IL1R1: variants seen among roughly 807,000 people sequenced by gnomAD.
IL1R1 encodes interleukin-1 receptor type 1.
Under a neutral mutation model 50.2 loss-of-function variants are expected in IL1R1, and 22 were observed. That is an observed-to-expected ratio of 0.44 (90% confidence interval 0.31 to 0.63). The LOEUF (loss-of-function observed/expected upper bound fraction) is 0.63, where lower values mean the gene tolerates loss of function less well. IL1R1 is among the 20% of genes least tolerant of loss of function. The pLI, the probability that IL1R1 is intolerant of heterozygous loss-of-function variation, is 0.07. For missense variants in IL1R1, 509 were observed against 676.2 expected, an observed-to-expected ratio of 0.75 and a Z score of 2.74; for synonymous variants, 251 against 236.7, an observed-to-expected ratio of 1.06 and a Z score of -0.55.
At chr2:102,077,562 T>A (rs1679024640) in intron 1 of IL1R1, among the ~76,000 whole-genome samples, 1 of 152,256 alleles carries the variant, frequency 6.6e-6, no homozygotes, top group African/African-American at 2.4e-5. Flanking sequence ...TCATAATAAA[T>A]GTTTTCATGT....
chr2:102,171,718 A>AAAAT, intron 7 of IL1R1, 83 bp from the exon 8 acceptor site: 1 of 717,738 alleles, frequency 1.4e-6, no homozygotes, highest in East Asian at 3.2e-5. Context: ...TATATCTAAA[A>AAAAT]TTTTAATTCA....
At chr2:102,155,619 G>C (rs1684111214) in intron 2 of IL1R1, among the ~76,000 whole-genome samples, 1 of 152,126 alleles carries the variant, frequency 6.6e-6, no homozygotes. Context: ...CCAGGGTCCT[G>C]GGGATTGACA....
Position 102,174,614 on chromosome 2 carries a change from G to A in IL1R1, c.1019G>A (p.Gly340Asp), listed in dbSNP as rs148175475. 2.6e-5 allele frequency: 42 copies of A among 1,605,146 alleles called. No homozygotes were observed. The highest frequency in any genetic ancestry group is 4.0e-5 in the African/African-American group (3 of 74,452). ...PVTNFQKHMI[G>D]ICVTLTVIIV... ...ACTAATTTCCAGAAGCACATGATTG[G>A]TATATGTGTCACGTTGACAGTCATA... Residue 340 changes from glycine (G) to aspartate (D), a missense_variant, in exon 10 of 12, where the codon GGT becomes GAT. Gly to Asp is a moderately conservative substitution (Grantham distance 94). Coordinates refer to ENST00000410023, the MANE Select transcript of IL1R1 (RefSeq NM_000877.4).
Position 102,172,765 on chromosome 2 carries a change from T to C in IL1R1, c.918T>C (p.Tyr306=). ...TATCGGAAATTGAAAGTAGATTTTATAAACATCCATTTACCTGTTTTGCCA... is the reference window on the plus strand; with the variant it reads ...TATCGGAAATTGAAAGTAGATTTTACAAACATCCATTTACCTGTTTTGCCA... The part of the protein sequence containing the change: ...LNISEIESRF[Y]KHPFTCFAKN... Residue 306 remains tyrosine (Y), a synonymous_variant, in exon 9 of 12, where the codon TAT becomes TAC. Coordinates refer to ENST00000410023, the MANE Select transcript of IL1R1 (RefSeq NM_000877.4). 6.2e-7 allele frequency: 1 copy of C among 1,611,976 alleles called. No homozygotes were observed. The highest frequency in any genetic ancestry group is 1.3e-5 in the African/African-American group (1 of 75,004).
chr2:102,123,015 T>C (rs1463465469), intron 1 of IL1R1, among the ~76,000 whole-genome samples: 1 of 152,220 alleles, frequency 6.6e-6, no homozygotes, highest in African/African-American at 2.4e-5. Flanking sequence ...ATCAGGGAAA[T>C]TGGTTTACTT....
upstream of IL1R1, among the ~76,000 whole-genome samples, chr2:102,100,399 G>A (rs1680089770): frequency 6.6e-6 from 1 of 152,152 alleles, no homozygotes; most frequent in Admixed American, 6.5e-5. Context: ...TGAGCCTGAG[G>A]CTTTCCAGTA....
chr2:102,156,967 G>A (rs898848948), intron 2 of IL1R1, among the ~76,000 whole-genome samples: 13 of 152,080 alleles, frequency 8.5e-5, no homozygotes, highest in African/African-American at 2.2e-4. Flanking sequence ...TTAATCTCCC[G>A]TAAAAATTAA....
intron 8 of IL1R1, 89 bp downstream of exon 8, chr2:102,172,007 T>A: frequency 2.0e-6 from 1 of 491,058 alleles, no homozygotes; most frequent in Non-Finnish European, 3.3e-6. Flanking sequence ...AAAGCAAGTG[T>A]TAGTTGCTCC....
At chr2:102,076,875 T>A (rs573746554) in intron 1 of IL1R1, among the ~76,000 whole-genome samples, 4 of 152,166 alleles carry the variant, frequency 2.6e-5, no homozygotes, top group African/African-American at 9.6e-5. Context: ...TTATTCAAAT[T>A]TTTTTTCTAT....
At chr2:102,090,484 C>T (rs572791899) in intron 1 of IL1R1, among the ~76,000 whole-genome samples, 73 of 151,980 alleles carry the variant, frequency 4.8e-4, no homozygotes, top group South Asian at 1.5e-3. Context: ...ATATCTCTTA[C>T]GCTCTTTTTA....
intron 1 of IL1R1, among the ~76,000 whole-genome samples, chr2:102,129,376 AGT>A (rs891688694): frequency 6.6e-6 from 1 of 152,220 alleles, no homozygotes; most frequent in Non-Finnish European, 1.5e-5. Context: ...GTCCTATTAA[AGT>A]GTCTAAATCA....
At chr2:102,086,772 T>C (rs1679449148) in intron 1 of IL1R1, among the ~76,000 whole-genome samples, 2 of 152,234 alleles carry the variant, frequency 1.3e-5, no homozygotes, top group African/African-American at 4.8e-5. Flanking sequence ...AAAGATTTTA[T>C]ATTTGTTCAC....
At chr2:102,084,033 A>G (rs17026588) in intron 1 of IL1R1, among the ~76,000 whole-genome samples, 27,608 of 151,980 alleles carry the variant, frequency 0.18, 3,015 homozygotes, top group East Asian at 0.53. Flanking sequence ...GTCTTGACCA[A>G]GGCCTCATAG....
At chr2:102,150,856 G>A (rs1683589382) in intron 1 of IL1R1, among the ~76,000 whole-genome samples, 2 of 152,300 alleles carry the variant, frequency 1.3e-5, no homozygotes, top group African/African-American at 4.8e-5. Flanking sequence ...ACATAACATA[G>A]ATATCCTTGC....
chr2:102,107,657 A>G (rs1680496387), intron 1 of IL1R1, among the ~76,000 whole-genome samples: 2 of 152,130 alleles, frequency 1.3e-5, no homozygotes, highest in South Asian at 4.1e-4. Flanking sequence ...ATAAAAGAAA[A>G]GTGTGCTACT....
intron 1 of IL1R1, among the ~76,000 whole-genome samples, chr2:102,092,161 T>C (rs1679697225): frequency 6.6e-6 from 1 of 152,140 alleles, no homozygotes; most frequent in Non-Finnish European, 1.5e-5. Context: ...TAGCCCCACA[T>C]AACCATTAAA....
intron 1 of IL1R1, among the ~76,000 whole-genome samples, chr2:102,152,035 G>T (rs1214155431): frequency 6.6e-6 from 1 of 152,118 alleles, no homozygotes; most frequent in African/African-American, 2.4e-5. Context: ...AGACAGAGGG[G>T]TCTTGGCATG....
Position 102,169,462 on chromosome 2 carries a change from A to G in IL1R1, c.721+799A>G, listed in dbSNP as rs114016093. Among the ~76,000 whole-genome samples the G allele has an allele frequency of 1.1e-3, 167 of 152,366 alleles. 2 individuals carry two copies. The highest frequency in any genetic ancestry group is 3.9e-3 in the African/African-American group (162 of 41,596). On this transcript the variant is annotated intron_variant, in intron 7 of 11. Coordinates refer to ENST00000410023, the MANE Select transcript of IL1R1 (RefSeq NM_000877.4). ...GCTTAATAGCCACATGTGACAAGTG[A>G]CTACTGTACAGACAAGCACAAATAT...
chr2:102,171,048 C>T (rs992906991), intron 7 of IL1R1, among the ~76,000 whole-genome samples: 1 of 151,990 alleles, frequency 6.6e-6, no homozygotes, highest in Non-Finnish European at 1.5e-5. Flanking sequence ...AGTGACAGAG[C>T]GAGACTGTGT....
Sources: gnomAD v4.1 joint callset for allele counts (sites outside exome capture counted in the v4.1 genomes callset) on GRCh38, gnomAD v4.1.1 for gene constraint, MANE v1.5 for transcripts, NCBI Gene and HGNC (gene_info 2026-07-23, HGNC 2026-07-21) for gene names.